Variants in TTBK2 observed in about 807,000 individuals in gnomAD.
TTBK2 encodes tau tubulin kinase 2, also known as tau-tubulin kinase 2.
In TTBK2, 28 loss-of-function variants were observed where a neutral mutation model predicts 110.8. The observed-to-expected ratio is 0.25, with a 90% confidence interval of 0.19 to 0.35. The LOEUF is 0.35. Ranked by LOEUF, TTBK2 falls within the 10% of genes least tolerant of loss-of-function variation. The probability of loss-of-function intolerance (pLI) is 1.00; values close to 1 mark genes in which losing one functional copy is unlikely to be tolerated. For synonymous variants in TTBK2, 532 were observed against 527.3 expected, an observed-to-expected ratio of 1.01 and a Z score of -0.12; for missense variants, 1,369 against 1,500.3, an observed-to-expected ratio of 0.91 and a Z score of 1.45.
intron 3 of TTBK2, among the ~76,000 whole-genome samples, chr15:42,848,122 T>A (rs1893544460): frequency 6.6e-6 from 1 of 152,210 alleles, no homozygotes; most frequent in African/African-American, 2.4e-5. Context: ...CATGTATACA[T>A]GATGGAATGG....
chr15:42,895,739 G>A (rs1369794169), intron 1 of TTBK2, among the ~76,000 whole-genome samples: 3 of 151,850 alleles, frequency 2.0e-5, no homozygotes, highest in Admixed American at 6.6e-5. Context: ...GGGTTTCACC[G>A]TGTTAGACAG....
chr15:42,916,054 T>C (rs577380424), intron 1 of TTBK2, among the ~76,000 whole-genome samples: 3 of 152,334 alleles, frequency 2.0e-5, no homozygotes, highest in East Asian at 3.9e-4. Flanking sequence ...TTTGATCCTG[T>C]ATGACTAAAT....
intron 1 of TTBK2, among the ~76,000 whole-genome samples, chr15:42,902,150 A>G (rs927862264): frequency 6.7e-6 from 1 of 150,234 alleles, no homozygotes; most frequent in Non-Finnish European, 1.5e-5. Flanking sequence ...CAGGAGGGAG[A>G]GGTTGCAGTG....
chr15:42,807,527 G>A (rs570128563), intron 9 of TTBK2, among the ~76,000 whole-genome samples: 8 of 152,072 alleles, frequency 5.3e-5, no homozygotes, highest in South Asian at 2.1e-4. Context: ...TCCCATCTCC[G>A]TTTCCCAAGT....
At chr15:42,885,452 G>A (rs1459703983) in intron 1 of TTBK2, among the ~76,000 whole-genome samples, 1 of 152,156 alleles carries the variant, frequency 6.6e-6, no homozygotes, top group African/African-American at 2.4e-5. Context: ...TTCTGGTAGA[G>A]ACAAAGGAGA....
intron 4 of TTBK2, among the ~76,000 whole-genome samples, chr15:42,833,916 CAGG>C (rs1892881602): frequency 6.6e-6 from 1 of 152,012 alleles, no homozygotes; most frequent in Non-Finnish European, 1.5e-5. Flanking sequence ...GAGGCTGAGG[CAGG>C]AGAATCACTT....
intron 10 of TTBK2, among the ~76,000 whole-genome samples, chr15:42,789,854 TACACACACAC>T: frequency 6.8e-6 from 1 of 147,818 alleles, no homozygotes. Flanking sequence ...ATACATACAA[TACACACACAC>T]ACACACACAC....
chr15:42,860,983 A>C (rs547378408), intron 3 of TTBK2, among the ~76,000 whole-genome samples: 3 of 152,232 alleles, frequency 2.0e-5, no homozygotes, highest in Admixed American at 6.5e-5. Context: ...ACAAAACAGA[A>C]TTTAAACCAA....
intron 13 of TTBK2, among the ~76,000 whole-genome samples, chr15:42,765,303 T>C (rs190819596): frequency 6.6e-5 from 10 of 152,134 alleles, no homozygotes; most frequent in Non-Finnish European, 1.2e-4. Context: ...AGAAGGTCGC[T>C]AATAACAAAC....
chr15:42,918,650 C>T (rs188671814), intron 1 of TTBK2, among the ~76,000 whole-genome samples: 16 of 152,028 alleles, frequency 1.1e-4, no homozygotes, highest in East Asian at 3.8e-4. Context: ...AAGTAAAATA[C>T]GCTCGAAAAT....
intron 10 of TTBK2, among the ~76,000 whole-genome samples, chr15:42,793,195 G>A (rs1890773270): frequency 6.6e-6 from 1 of 152,148 alleles, no homozygotes; most frequent in South Asian, 2.1e-4. Context: ...CCACTTCTAG[G>A]CATTCTGATT....
chr15:42,809,681 T>G (rs1056677539), intron 9 of TTBK2, among the ~76,000 whole-genome samples: 4 of 152,230 alleles, frequency 2.6e-5, no homozygotes, highest in African/African-American at 9.6e-5. Flanking sequence ...TCCCTATTGC[T>G]TACAACACAA....
chr15:42,904,889 T>G (rs78308227), intron 1 of TTBK2, among the ~76,000 whole-genome samples: 1 of 151,760 alleles, frequency 6.6e-6, no homozygotes, highest in African/African-American at 2.4e-5. Context: ...TTTTTTTTTT[T>G]GACGCAGGGT....
In TTBK2 at chr15:42,816,999, T is replaced by C. The variant is rs72713780; in HGVS notation, c.603+33A>G. 5,924 of 1,539,076 alleles carry C rather than the reference T, an allele frequency of 3.8e-3. 21 individuals are homozygous for C. The highest frequency in any genetic ancestry group is 4.9e-3 in the Non-Finnish European group (5,512 of 1,128,952). On this transcript the variant is annotated intron_variant, in intron 7 of 14. Transcript: ENST00000267890. ...AATCTGATTTAAGCTATTAGCATAC[T>C]TATACAGATATGACTCTAGTTCAGA...
chr15:42,897,063 G>A (rs147209414), intron 1 of TTBK2, among the ~76,000 whole-genome samples: 2,222 of 152,034 alleles, frequency 0.015, 39 homozygotes, highest in African/African-American at 0.048. Flanking sequence ...ATTTTTAGTA[G>A]AGATAGAGTT....
chr15:42,745,777 A>G lies in TTBK2; in HGVS notation c.*18T>C. On this transcript the variant is annotated 3_prime_UTR_variant, in exon 15 of 15. Transcript: ENST00000267890. ...AGGAGGAAGATCTCACACCTTTCAAAGAGATGCAGCCTGGCTCCTATCTGC... is the reference window on the plus strand; with the variant it reads ...AGGAGGAAGATCTCACACCTTTCAAGGAGATGCAGCCTGGCTCCTATCTGC... The G allele has an allele frequency of 6.2e-7, 1 of 1,613,602 alleles. No individual in the cohort carries two copies. The highest frequency in any genetic ancestry group is 8.5e-7 in the Non-Finnish European group (1 of 1,179,926).
chr15:42,915,704 T>C (rs2031043503), intron 1 of TTBK2, among the ~76,000 whole-genome samples: 1 of 152,196 alleles, frequency 6.6e-6, no homozygotes, highest in Admixed American at 6.5e-5. Flanking sequence ...TCCTGCACTT[T>C]GGGAGGCTGA....
At chr15:42,875,118 G>A (rs140971933) in intron 2 of TTBK2, among the ~76,000 whole-genome samples, 2 of 152,186 alleles carry the variant, frequency 1.3e-5, no homozygotes, top group East Asian at 3.9e-4. Flanking sequence ...GTAGCTTCAC[G>A]TTTTACCTCA....
chr15:42,888,503 G>A lies in TTBK2; in HGVS notation c.-67-9819C>T, dbSNP rs567385321. On this transcript the variant is annotated intron_variant, in intron 1 of 14. Transcript: ENST00000267890. Reference sequence around the variant, plus strand: ...GCCTAATCGCCACTCACAAGCAAAGGCAGGCTATGCTATAGTAGCTTCCAT... The same window carrying A: ...GCCTAATCGCCACTCACAAGCAAAGACAGGCTATGCTATAGTAGCTTCCAT... 1.6e-3 allele frequency among the ~76,000 whole-genome samples: 243 copies of A among 152,140 alleles called. 2 individuals carry two copies. Among genetic ancestry groups the A allele is most frequent in the African/African-American group, 5.4e-3 (226 of 41,520 alleles).
Sources: gnomAD v4.1 joint callset for allele counts (sites outside exome capture counted in the v4.1 genomes callset) on GRCh38, gnomAD v4.1.1 for gene constraint, MANE v1.5 for transcripts, NCBI Gene and HGNC (gene_info 2026-07-23, HGNC 2026-07-21) for gene names.